Variants in KIZ observed in about 807,000 individuals in gnomAD.
KIZ encodes kizuna centrosomal protein, also known as centrosomal protein kizuna.
In KIZ, 68 loss-of-function variants were observed where a neutral mutation model predicts 79.6. That is an observed-to-expected ratio of 0.85 (90% CI 0.70 to 1.05). The LOEUF (loss-of-function observed/expected upper bound fraction) is 1.05, where lower values mean the gene tolerates loss of function less well. Ranked by LOEUF, KIZ falls within the 50% of genes least tolerant of loss-of-function variation. The pLI, the probability that KIZ is intolerant of heterozygous loss-of-function variation, is 0.00. For synonymous variants in KIZ, 280 were observed against 281.8 expected (o/e 0.99, Z 0.06); for missense variants, 797 against 800.4 (o/e 1.00, Z 0.05).
intron 4 of KIZ, among the ~76,000 whole-genome samples, chr20:21,147,959 A>AG (rs2032927661): frequency 2.1e-5 from 1 of 48,270 alleles, no homozygotes; most frequent in Non-Finnish European, 4.8e-5. Flanking sequence ...TCCTCCTGGA[A>AG]TTTGTGTGTG....
At chr20:21,215,501 ACAT>A in intron 8 of KIZ, 79 bp from the exon 9 acceptor site, 1 of 704,992 alleles carries the variant, frequency 1.4e-6, no homozygotes, top group Non-Finnish European at 2.3e-6. Context: ...AAAAAAGTGA[ACAT>A]AAAGGGAAGG....
intron 6 of KIZ, among the ~76,000 whole-genome samples, chr20:21,170,174 G>T (rs1415754855): frequency 2.6e-5 from 4 of 151,818 alleles, no homozygotes; most frequent in Non-Finnish European, 5.9e-5. Context: ...TACATAGTAG[G>T]TATATGTATC....
At chr20:21,159,401 T>C (rs2033549780) in intron 4 of KIZ, among the ~76,000 whole-genome samples, 1 of 152,094 alleles carries the variant, frequency 6.6e-6, no homozygotes. Context: ...ATATTCAGAG[T>C]TGCGCAGCCA....
intron 2 of KIZ, 148 bp downstream of exon 2, chr20:21,132,307 C>G (rs892747365): frequency 1.8e-5 from 10 of 550,112 alleles, no homozygotes; most frequent in Non-Finnish European, 2.9e-5. Context: ...GAGTCTTGCT[C>G]TTTCGCTCAG....
At chr20:21,137,893 C>T (rs548867077) in intron 3 of KIZ, among the ~76,000 whole-genome samples, 7 of 152,298 alleles carry the variant, frequency 4.6e-5, no homozygotes, top group Admixed American at 4.6e-4. Context: ...CCTCCCTCCT[C>T]AGCCTCAAGC....
intron 6 of KIZ, among the ~76,000 whole-genome samples, chr20:21,164,587 G>A (rs187699069): frequency 1.4e-4 from 22 of 152,218 alleles, no homozygotes; most frequent in Middle Eastern, 3.4e-3. Context: ...AGGCTAACAA[G>A]GGGACTAATA....
intron 6 of KIZ, 58 bp downstream of exon 6, chr20:21,163,217 A>G: frequency 2.6e-6 from 3 of 1,166,784 alleles, no homozygotes; most frequent in Non-Finnish European, 2.5e-6. Context: ...ACATTTCTAG[A>G]GACCATTCCA....
chr20:21,182,108 C>T (rs968977006), intron 6 of KIZ, among the ~76,000 whole-genome samples: 2 of 152,200 alleles, frequency 1.3e-5, no homozygotes, highest in Admixed American at 1.3e-4. Context: ...TATGTTAAAG[C>T]TGTAACCCTC....
At position 21,244,255 on chromosome 20, in the gene KIZ, A is replaced by C. The variant is rs781583039; in HGVS notation, c.1891A>C (p.Lys631Gln). Reference sequence around the variant, plus strand: ...TTCTTTATTTTGCAGGCATGAAAACAAAAAGAAACCCGTGATCAATTTAAA... The same window carrying C: ...TTCTTTATTTTGCAGGCATGAAAACCAAAAGAAACCCGTGATCAATTTAAA... ...EGSPLSRHENKKKPVINLKSN... is the reference protein window; with the variant it reads ...EGSPLSRHENQKKPVINLKSN... Residue 631 changes from lysine to glutamine, a missense_variant, in exon 12 of 13, where the codon AAA (lysine) becomes CAA (glutamine). Physicochemically the swap from Lys to Gln is moderately conservative, Grantham distance 53. Transcript: ENST00000619189. The C allele has an allele frequency of 6.3e-7, 1 of 1,598,656 alleles. No homozygotes were observed. The highest frequency in any genetic ancestry group is 8.6e-7 in the Non-Finnish European group (1 of 1,166,384).
intron 10 of KIZ, among the ~76,000 whole-genome samples, chr20:21,229,575 T>C (rs2036770772): frequency 2.6e-5 from 4 of 152,132 alleles, no homozygotes; most frequent in African/African-American, 4.8e-5. Context: ...TATTTTATTT[T>C]ATTTCATTTT....
At chr20:21,175,028 C>T (rs1326501879) in intron 6 of KIZ, among the ~76,000 whole-genome samples, 1 of 152,222 alleles carries the variant, frequency 6.6e-6, no homozygotes, top group Non-Finnish European at 1.5e-5. Flanking sequence ...AGCACAGTTG[C>T]CTGTTTCTCT....
At chr20:21,237,343 G>A (rs1276295948) in intron 11 of KIZ, among the ~76,000 whole-genome samples, 2 of 148,722 alleles carry the variant, frequency 1.3e-5, no homozygotes, top group Admixed American at 1.3e-4. Flanking sequence ...CCATGAAATC[G>A]AGTCAATGTG....
intron 6 of KIZ, among the ~76,000 whole-genome samples, chr20:21,205,068 C>T (rs1272739765): frequency 6.6e-6 from 1 of 152,012 alleles, no homozygotes; most frequent in Non-Finnish European, 1.5e-5. Flanking sequence ...ATTTAAGCCC[C>T]AGAGTTTACG....
intron 6 of KIZ, among the ~76,000 whole-genome samples, chr20:21,181,612 C>A (rs2034658369): frequency 6.6e-6 from 1 of 152,076 alleles, no homozygotes; most frequent in Non-Finnish European, 1.5e-5. Context: ...GCATGCGCCA[C>A]CATGCCTGGC....
At chr20:21,163,180 T>C (rs1321613605) in intron 6 of KIZ, 21 bp downstream of exon 6, 2 of 1,536,720 alleles carry the variant, frequency 1.3e-6, no homozygotes, top group African/African-American at 1.4e-5. Flanking sequence ...CAATTTTTTT[T>C]TTCTACTGTT....
At chr20:21,217,103 A>T (rs2036322573) in intron 9 of KIZ, among the ~76,000 whole-genome samples, 1 of 152,216 alleles carries the variant, frequency 6.6e-6, no homozygotes, top group South Asian at 2.1e-4. Context: ...GTTAAAAAAA[A>T]TGCCTTGTGC....
intron 1 of KIZ, among the ~76,000 whole-genome samples, chr20:21,129,024 G>T (rs1310328542): frequency 6.6e-6 from 1 of 152,136 alleles, no homozygotes; most frequent in East Asian, 1.9e-4. Context: ...AGCATCCCAG[G>T]GATGGGTATT....
At chr20:21,176,717 AAG>A (rs2034451779) in intron 6 of KIZ, among the ~76,000 whole-genome samples, 2 of 152,208 alleles carry the variant, frequency 1.3e-5, no homozygotes, top group South Asian at 4.1e-4. Context: ...CTAAAGGAAA[AAG>A]AGGACAACGT....
chr20:21,151,564 C>T (rs913139421), intron 4 of KIZ: 2 of 152,146 alleles, frequency 1.3e-5, no homozygotes, highest in Non-Finnish European at 2.9e-5. Context: ...TGGGGAAACA[C>T]TGTTTCTTTT....
Sources: allele counts gnomAD v4.1 joint callset (sites outside exome capture counted in the v4.1 genomes callset), GRCh38; gene constraint gnomAD v4.1.1; transcripts MANE v1.5; gene names NCBI Gene and HGNC (gene_info 2026-07-23, HGNC 2026-07-21).